Variants in SLC35F4 observed in about 807,000 individuals in gnomAD.
SLC35F4 encodes solute carrier family 35 member F4.
A neutral mutation model predicts 44.2 loss-of-function variants in SLC35F4; 24 were observed. The ratio of observed to expected loss-of-function variants is 0.54; its 90% CI spans 0.39 to 0.76. The LOEUF (loss-of-function observed/expected upper bound fraction) is 0.76, where lower values mean the gene tolerates loss of function less well. SLC35F4 is among the 30% of genes least tolerant of loss of function. The pLI is 0.00. For synonymous variants in SLC35F4, 238 were observed against 223.6 expected (o/e 1.06, Z -0.57); for missense variants, 562 against 586.1 (o/e 0.96, Z 0.42).
chr14:57,676,489 T>A (rs1278963661), intron 1 of SLC35F4, among the ~76,000 whole-genome samples: 1 of 152,064 alleles, frequency 6.6e-6, no homozygotes, highest in African/African-American at 2.4e-5. Flanking sequence ...ACCTAGGTGA[T>A]GGGTTGACAT....
chr14:57,959,905 T>C (rs143918131), intron 1 of SLC35F4, among the ~76,000 whole-genome samples: 1 of 152,110 alleles, frequency 6.6e-6, no homozygotes, highest in Non-Finnish European at 1.5e-5. Flanking sequence ...TCAGGCAGCA[T>C]TGAAAAATGA....
intron 1 of SLC35F4, among the ~76,000 whole-genome samples, chr14:57,668,230 G>GC (rs528709171): frequency 2.6e-4 from 39 of 151,088 alleles, no homozygotes; most frequent in Non-Finnish European, 4.6e-4. Flanking sequence ...CTGGATATTA[G>GC]CCCTTTGTCA....
chr14:57,928,196 G>C (rs941199973), intron 1 of SLC35F4, among the ~76,000 whole-genome samples: 3 of 152,128 alleles, frequency 2.0e-5, no homozygotes, highest in African/African-American at 7.2e-5. Flanking sequence ...CAAGTAGGGA[G>C]GTGGGACTTT....
intron 1 of SLC35F4, among the ~76,000 whole-genome samples, chr14:57,853,050 A>T (rs1325156393): frequency 6.6e-6 from 1 of 152,220 alleles, no homozygotes; most frequent in Non-Finnish European, 1.5e-5. Context: ...GTTAAATGTC[A>T]TCCTCAATTA....
intron 1 of SLC35F4, among the ~76,000 whole-genome samples, chr14:57,962,079 A>G: frequency 6.6e-6 from 1 of 152,262 alleles, no homozygotes; most frequent in Non-Finnish European, 1.5e-5. Flanking sequence ...AAGGTTGTGC[A>G]GCTGGAATCT....
chr14:57,850,186 G>A lies in SLC35F4; in HGVS notation c.103+15537C>T, dbSNP rs113201310. Among the ~76,000 whole-genome samples the A allele has an allele frequency of 1.2e-3, 189 of 152,304 alleles. 1 individual carries two copies. The highest frequency in any genetic ancestry group is 4.5e-3 in the African/African-American group (188 of 41,572). On this transcript the variant is annotated intron_variant, in intron 1 of 7. Transcript: ENST00000556826. ...ATTCTGTAAGCCTTTTAGGACACAT[G>A]AAAAGTTGCAACGTCAAGCAAAACT... is the stretch of plus-strand genomic sequence containing the variant.
chr14:57,630,832 C>A (rs1594642836), intron 1 of SLC35F4: 1 of 736,648 alleles, frequency 1.4e-6, no homozygotes, highest in Non-Finnish European at 1.7e-6. Context: ...TGATCATAAT[C>A]AAAATGATAT....
intron 1 of SLC35F4, among the ~76,000 whole-genome samples, chr14:57,746,234 TAA>T (rs543465122): frequency 6.7e-6 from 1 of 148,612 alleles, no homozygotes; most frequent in Non-Finnish European, 1.5e-5. Context: ...AAAGTATAAT[TAA>T]AAAAAAAAGA....
intron 1 of SLC35F4, among the ~76,000 whole-genome samples, chr14:57,766,781 A>G (rs1036386106): frequency 6.6e-6 from 1 of 152,254 alleles, no homozygotes; most frequent in Non-Finnish European, 1.5e-5. Context: ...AAAACATAAA[A>G]ATAAAAACAA....
At chr14:57,600,471 T>A (rs2070745261) in intron 1 of SLC35F4, among the ~76,000 whole-genome samples, 1 of 150,616 alleles carries the variant, frequency 6.6e-6, no homozygotes, top group African/African-American at 2.4e-5. Context: ...GGTGGGCGGA[T>A]CACGAGGTCA....
intron 1 of SLC35F4, among the ~76,000 whole-genome samples, chr14:57,687,865 T>A (rs987342178): frequency 1.2e-4 from 19 of 152,186 alleles, no homozygotes; most frequent in African/African-American, 4.6e-4. Context: ...AACTCTAATT[T>A]GAGAAAAAAA....
intron 1 of SLC35F4, among the ~76,000 whole-genome samples, chr14:57,921,270 G>A (rs1889437160): frequency 6.6e-6 from 1 of 152,200 alleles, no homozygotes; most frequent in Non-Finnish European, 1.5e-5. Context: ...GTACCATGCA[G>A]AGGGATAAGA....
intron 1 of SLC35F4, among the ~76,000 whole-genome samples, chr14:57,749,380 CA>C (rs764679763): frequency 1.8e-4 from 27 of 152,072 alleles, no homozygotes; most frequent in Non-Finnish European, 3.5e-4. Context: ...ATGTGACATC[CA>C]AGTGAATGAT....
intron 1 of SLC35F4, among the ~76,000 whole-genome samples, chr14:57,680,121 T>C (rs1308000855): frequency 6.6e-6 from 1 of 152,096 alleles, no homozygotes; most frequent in Non-Finnish European, 1.5e-5. Context: ...ACAAAAATTC[T>C]TAATAAAATA....
intron 1 of SLC35F4, among the ~76,000 whole-genome samples, chr14:57,807,848 A>T (rs1268223172): frequency 6.6e-6 from 1 of 151,928 alleles, no homozygotes; most frequent in Admixed American, 6.6e-5. Context: ...TTATAAAGAA[A>T]AAGTGGCTTA....
At chr14:57,957,987 A>G (rs1890270695) in intron 1 of SLC35F4, among the ~76,000 whole-genome samples, 1 of 152,234 alleles carries the variant, frequency 6.6e-6, no homozygotes, top group Non-Finnish European at 1.5e-5. Context: ...TGCTGCAAGT[A>G]ATGAGAATTG....
intron 1 of SLC35F4, among the ~76,000 whole-genome samples, chr14:57,719,301 A>T (rs2076021622): frequency 6.6e-6 from 1 of 151,856 alleles, no homozygotes; most frequent in Non-Finnish European, 1.5e-5. Context: ...TTTGGCTATT[A>T]TGGGTCCTTT....
intron 4 of SLC35F4, chr14:57,579,379 C>T (rs1482950813): frequency 6.6e-6 from 1 of 152,184 alleles, no homozygotes; most frequent in African/African-American, 2.4e-5. Context: ...AGATAAGTTA[C>T]ACAGTTGTTT....
At chr14:57,707,635 C>A (rs1450965899) in intron 1 of SLC35F4, among the ~76,000 whole-genome samples, 1 of 151,994 alleles carries the variant, frequency 6.6e-6, no homozygotes, top group South Asian at 2.1e-4. Context: ...AAATTGGTAC[C>A]GAGCTAGTGG....
Sources: allele counts gnomAD v4.1 joint callset (sites outside exome capture counted in the v4.1 genomes callset), GRCh38; gene constraint gnomAD v4.1.1; transcripts MANE v1.5; gene names NCBI Gene and HGNC (gene_info 2026-07-23, HGNC 2026-07-21).